CDC73: variants seen among roughly 807,000 people sequenced by gnomAD.
The protein encoded by CDC73 is parafibromin.
A neutral mutation model predicts 83.7 loss-of-function variants in CDC73; 21 were observed. The observed-to-expected ratio is 0.25, with a 90% CI of 0.18 to 0.36. The LOEUF is 0.36. Among genes scored for constraint, CDC73 ranks in the 10% least tolerant of loss-of-function variants. CDC73 has a pLI of 1.00. For missense variants in CDC73, 342 were observed against 653.3 expected, an observed-to-expected ratio of 0.52 and a Z score of 5.19; for synonymous variants, 224 against 212.9, an observed-to-expected ratio of 1.05 and a Z score of -0.45.
At chr1:193,139,253 A>C (rs1399851632) in intron 6 of CDC73, among the ~76,000 whole-genome samples, 2 of 149,506 alleles carry the variant, frequency 1.3e-5, no homozygotes, top group East Asian at 3.9e-4. Flanking sequence ...TGTAGTTTTC[A>C]TCTGAAGTTT....
At chr1:193,205,588 G>A (rs1357051375) in intron 11 of CDC73, among the ~76,000 whole-genome samples, 3 of 152,034 alleles carry the variant, frequency 2.0e-5, no homozygotes, top group Non-Finnish European at 4.4e-5. Flanking sequence ...TATTAAGTAG[G>A]TGTGGAAAAG....
chr1:193,126,182 A>C (rs192339789), intron 2 of CDC73, among the ~76,000 whole-genome samples: 266 of 152,356 alleles, frequency 1.7e-3, no homozygotes, highest in African/African-American at 6.1e-3. Context: ...GTTACTTCAG[A>C]ACTCTAGTTT....
At position 193,206,008 on chromosome 1, in the gene CDC73, A is replaced by G. The variant is rs1281984446; in HGVS notation, c.1030+2156A>G. Among the ~76,000 whole-genome samples the G allele has an allele frequency of 2.0e-5, 3 of 152,188 alleles. No individual in the cohort carries two copies. The East Asian group carries it at 5.8e-4, about 29-fold the overall frequency. On this transcript the variant is annotated intron_variant, in intron 11 of 16. Transcript: ENST00000367435. Reference sequence around the variant, plus strand: ...GGAAAAGCCACCACCTGAGGATTGTAACTTAGTATCTGTGATGTAAAATTT... The same window carrying G: ...GGAAAAGCCACCACCTGAGGATTGTGACTTAGTATCTGTGATGTAAAATTT...
intron 3 of CDC73, among the ~76,000 whole-genome samples, chr1:193,132,799 T>C (rs1030748602): frequency 5.9e-5 from 9 of 152,118 alleles, no homozygotes; most frequent in African/African-American, 1.9e-4. Context: ...GCCTGATAAA[T>C]AGGCTAGTTT....
At chr1:193,243,802 A>T (rs1677903348) in intron 15 of CDC73, among the ~76,000 whole-genome samples, 1 of 152,182 alleles carries the variant, frequency 6.6e-6, no homozygotes, top group South Asian at 2.1e-4. Context: ...TCTGATGAAG[A>T]GACTTTTATT....
chr1:193,178,976 G>A (rs892773447), intron 10 of CDC73: 1 of 152,240 alleles, frequency 6.6e-6, no homozygotes, highest in East Asian at 1.9e-4. Context: ...TAGTAGGTTG[G>A]TATTTCTTGA....
intron 10 of CDC73, among the ~76,000 whole-genome samples, chr1:193,156,369 C>G (rs773702969): frequency 2.6e-5 from 4 of 152,190 alleles, no homozygotes; most frequent in Non-Finnish European, 5.9e-5. Context: ...GCGGAAGCAT[C>G]TCACACCCTG....
chr1:193,228,477 A>G (rs1677601797), intron 13 of CDC73, among the ~76,000 whole-genome samples: 1 of 152,228 alleles, frequency 6.6e-6, no homozygotes, highest in African/African-American at 2.4e-5. Context: ...TGTACTAACG[A>G]TGTAAAGATA....
At chr1:193,172,660 A>C (rs1197694729) in intron 10 of CDC73, among the ~76,000 whole-genome samples, 1 of 151,960 alleles carries the variant, frequency 6.6e-6, no homozygotes, top group Non-Finnish European at 1.5e-5. Context: ...TTCCATTCAG[A>C]CGTTTTGCTT....
intron 10 of CDC73, among the ~76,000 whole-genome samples, chr1:193,200,474 TTCGCAAATGTGGTTC>T (rs1302352149): frequency 6.6e-6 from 1 of 152,238 alleles, no homozygotes; most frequent in East Asian, 1.9e-4. Flanking sequence ...ATTTTTATTC[TTCGCAAATGTGGTTC>T]TCTCACTGTT....
intron 10 of CDC73, among the ~76,000 whole-genome samples, chr1:193,187,938 A>C (rs891868718): frequency 6.6e-6 from 1 of 152,204 alleles, no homozygotes; most frequent in African/African-American, 2.4e-5. Context: ...CTTGTAGTCT[A>C]TATCCACCCA....
At chr1:193,222,005 T>G (rs377436612) in intron 13 of CDC73, among the ~76,000 whole-genome samples, 1 of 152,152 alleles carries the variant, frequency 6.6e-6, no homozygotes, top group African/African-American at 2.4e-5. Context: ...TGAGGATTCT[T>G]TAGTTTTGTA....
intron 10 of CDC73, chr1:193,180,127 T>C: frequency 3.4e-6 from 2 of 590,598 alleles, no homozygotes; most frequent in Admixed American, 3.8e-5. Flanking sequence ...TGTTATATAA[T>C]GTTATAGTTT....
At chr1:193,130,027 T>C in intron 2 of CDC73, 147 bp from the exon 3 acceptor site, 1 of 620,860 alleles carries the variant, frequency 1.6e-6, no homozygotes, top group Non-Finnish European at 2.9e-6. Flanking sequence ...ATTAGGTTCT[T>C]TTAGCCTAGT....
chr1:193,213,175 C>G (rs1457785200), intron 13 of CDC73, among the ~76,000 whole-genome samples: 1 of 152,088 alleles, frequency 6.6e-6, no homozygotes. Flanking sequence ...AATATTGTGA[C>G]TATTTTTAAA....
intron 10 of CDC73, among the ~76,000 whole-genome samples, chr1:193,199,194 T>C (rs1247470591): frequency 6.6e-6 from 1 of 152,284 alleles, no homozygotes; most frequent in East Asian, 1.9e-4. Flanking sequence ...CTAAAATCCT[T>C]TATGTTTTTT....
At chr1:193,187,700 C>T (rs1676843675) in intron 10 of CDC73, among the ~76,000 whole-genome samples, 1 of 151,980 alleles carries the variant, frequency 6.6e-6, no homozygotes, top group Non-Finnish European at 1.5e-5. Flanking sequence ...TATGCTATTT[C>T]AAATGAATAT....
At position 193,165,865 on chromosome 1, in the gene CDC73, C is replaced by T. The variant is rs527857367; in HGVS notation, c.972+13421C>T. Reference sequence around the variant, plus strand: ...AACAACCTACCATTTTTATATGTGCCCTTATTTACTTACACTGTATTGATA... The same window carrying T: ...AACAACCTACCATTTTTATATGTGCTCTTATTTACTTACACTGTATTGATA... On this transcript the variant is annotated intron_variant, in intron 10 of 16. Coordinates refer to ENST00000367435, the MANE Select transcript of CDC73 (RefSeq NM_024529.5). Among the ~76,000 whole-genome samples the T allele has an allele frequency of 5.3e-5, 8 of 152,216 alleles. No homozygotes were observed. The South Asian group carries it at 1.7e-3, about 32-fold the overall frequency.
intron 15 of CDC73, among the ~76,000 whole-genome samples, chr1:193,242,174 G>A (rs1304696274): frequency 2.0e-5 from 3 of 151,360 alleles, no homozygotes; most frequent in Admixed American, 1.3e-4. Flanking sequence ...GGGCCCCAGG[G>A]TAGGATGCAG....
Sources: allele counts gnomAD v4.1 joint callset (sites outside exome capture counted in the v4.1 genomes callset), GRCh38; gene constraint gnomAD v4.1.1; transcripts MANE v1.5; gene names NCBI Gene and HGNC (gene_info 2026-07-23, HGNC 2026-07-21).